GRM8: variants seen among roughly 807,000 people sequenced by gnomAD.
GRM8 encodes metabotropic glutamate receptor 8.
In GRM8, 47 loss-of-function variants were observed where a neutral mutation model predicts 87.2. The ratio of observed to expected loss-of-function variants is 0.54; its 90% CI spans 0.43 to 0.69. GRM8 has a LOEUF of 0.69. Among genes scored for constraint, GRM8 ranks in the 30% least tolerant of loss-of-function variants. The pLI, the probability that GRM8 is intolerant of heterozygous loss-of-function variation, is 0.00. For synonymous variants in GRM8, 396 were observed against 404.5 expected (o/e 0.98, Z 0.25); for missense variants, 1,019 against 1,139.2 (o/e 0.89, Z 1.52).
chr7:126,889,272 A>G (rs765371453), intron 6 of GRM8, among the ~76,000 whole-genome samples: 1 of 152,124 alleles, frequency 6.6e-6, no homozygotes, highest in Non-Finnish European at 1.5e-5. Context: ...CTCAGAGACT[A>G]TGTTACCCAC....
chr7:126,509,773 A>G (rs1015829283), intron 9 of GRM8, among the ~76,000 whole-genome samples: 5 of 152,076 alleles, frequency 3.3e-5, no homozygotes, highest in African/African-American at 1.2e-4. Context: ...CTAGACATTT[A>G]GGAGAAAATA....
chr7:127,246,917 C>T (rs375767112), intron 1 of GRM8, among the ~76,000 whole-genome samples: 4 of 152,284 alleles, frequency 2.6e-5, no homozygotes, highest in South Asian at 2.1e-4. Context: ...CCCCTGAGAG[C>T]GTGAGCTGAT....
chr7:127,245,455 G>A (rs1047285394), intron 1 of GRM8, among the ~76,000 whole-genome samples: 4 of 152,150 alleles, frequency 2.6e-5, no homozygotes, highest in African/African-American at 9.7e-5. Context: ...GAGAATAAAT[G>A]GCTTTCAATT....
At chr7:126,967,989 A>G (rs17862250) in intron 3 of GRM8, among the ~76,000 whole-genome samples, 15,521 of 152,226 alleles carry the variant, frequency 0.1, 957 homozygotes, top group East Asian at 0.22. Flanking sequence ...GTGACTACAT[A>G]AATATTCATG....
chr7:126,999,456 CACA>C (rs1448429940), intron 3 of GRM8, among the ~76,000 whole-genome samples: 13 of 151,592 alleles, frequency 8.6e-5, no homozygotes, highest in Non-Finnish European at 1.8e-4. Context: ...AAAGATAACC[CACA>C]GAATAGGAGA....
At chr7:126,810,621 C>T in intron 6 of GRM8, among the ~76,000 whole-genome samples, 1 of 152,102 alleles carries the variant, frequency 6.6e-6, no homozygotes. Flanking sequence ...TCTTATGAGA[C>T]TCTGTTACTG....
At chr7:126,989,184 T>C (rs183648251) in intron 3 of GRM8, among the ~76,000 whole-genome samples, 138 of 152,318 alleles carry the variant, frequency 9.1e-4, no homozygotes, top group African/African-American at 3.2e-3. Context: ...TAGGGTACAA[T>C]AAATCAAACC....
chr7:127,184,590 C>A (rs1304232946), intron 2 of GRM8, among the ~76,000 whole-genome samples: 1 of 151,896 alleles, frequency 6.6e-6, no homozygotes. Flanking sequence ...GCAAGGATGT[C>A]CCCTCTCAAC....
At chr7:127,089,127 G>T (rs1397060544) in intron 3 of GRM8, among the ~76,000 whole-genome samples, 4 of 152,208 alleles carry the variant, frequency 2.6e-5, no homozygotes, top group Non-Finnish European at 4.4e-5. Context: ...TTAGAATAGA[G>T]TGAGCCCTAA....
chr7:127,120,417 A>G (rs1002107253), intron 2 of GRM8, among the ~76,000 whole-genome samples: 1 of 152,222 alleles, frequency 6.6e-6, no homozygotes, highest in Non-Finnish European at 1.5e-5. Flanking sequence ...TTTCTCTACA[A>G]TCTTGCTACT....
chr7:126,613,809 A>C (rs1041033169), intron 7 of GRM8, among the ~76,000 whole-genome samples: 5 of 152,226 alleles, frequency 3.3e-5, no homozygotes, highest in African/African-American at 1.2e-4. Flanking sequence ...TCCAACTGCA[A>C]GGCAGCAGCG....
intron 7 of GRM8, among the ~76,000 whole-genome samples, chr7:126,673,969 T>C (rs1446169312): frequency 6.6e-6 from 1 of 152,212 alleles, no homozygotes; most frequent in Non-Finnish European, 1.5e-5. Context: ...AACTTAAATA[T>C]ATCAATATAG....
chr7:126,799,154 C>A (rs1247779498), intron 6 of GRM8, among the ~76,000 whole-genome samples: 3 of 152,032 alleles, frequency 2.0e-5, no homozygotes, highest in Non-Finnish European at 2.9e-5. Context: ...TCAACATCAT[C>A]TGGGAAAAGA....
intron 7 of GRM8, among the ~76,000 whole-genome samples, chr7:126,621,300 T>C (rs1800147989): frequency 6.6e-6 from 1 of 152,234 alleles, no homozygotes; most frequent in Non-Finnish European, 1.5e-5. Context: ...CTTACTGTAT[T>C]CTCCTCCAAC....
chr7:126,653,323 G>A (rs369749351), intron 7 of GRM8, among the ~76,000 whole-genome samples: 99 of 143,570 alleles, frequency 6.9e-4, no homozygotes, highest in African/African-American at 2.3e-3. Flanking sequence ...AAAAGGCAAG[G>A]AGAGGGTGAT....
chr7:126,895,203 C>T (rs1266187409), intron 6 of GRM8, among the ~76,000 whole-genome samples: 1 of 152,030 alleles, frequency 6.6e-6, no homozygotes, highest in African/African-American at 2.4e-5. Flanking sequence ...ATAAAGCTGG[C>T]TACTGATTGC....
intron 2 of GRM8, among the ~76,000 whole-genome samples, chr7:127,147,840 G>A (rs756953893): frequency 3.9e-5 from 6 of 152,024 alleles, no homozygotes; most frequent in Non-Finnish European, 7.4e-5. Flanking sequence ...TGCCTCAAAT[G>A]CAGCTTTAAA....
At chr7:127,152,516 T>C (rs1792455573) in intron 2 of GRM8, among the ~76,000 whole-genome samples, 1 of 152,088 alleles carries the variant, frequency 6.6e-6, no homozygotes, top group African/African-American at 2.4e-5. Flanking sequence ...GATTAACAAC[T>C]TCATTCTGCT....
intron 8 of GRM8, among the ~76,000 whole-genome samples, chr7:126,552,457 A>G (rs1446359320): frequency 6.6e-6 from 1 of 152,204 alleles, no homozygotes; most frequent in Non-Finnish European, 1.5e-5. Flanking sequence ...AGGAAATAAT[A>G]GCATAAACAT....
Sources: allele counts gnomAD v4.1 joint callset (sites outside exome capture counted in the v4.1 genomes callset), GRCh38; gene constraint gnomAD v4.1.1; transcripts MANE v1.5; gene names NCBI Gene and HGNC (gene_info 2026-07-23, HGNC 2026-07-21).